SCML4: variants seen among roughly 807,000 people sequenced by gnomAD.
SCML4 encodes the protein sex comb on midleg-like protein 4.
A neutral mutation model predicts 41.1 loss-of-function variants in SCML4; 34 were observed. That is an observed-to-expected ratio of 0.83 (90% confidence interval 0.63 to 1.10). The LOEUF is 1.10. Ranked by LOEUF, SCML4 falls within the 50% of genes least tolerant of loss-of-function variation. The pLI is 0.00. For missense variants in SCML4, 522 were observed against 534.1 expected (o/e 0.98, Z 0.22); for synonymous variants, 214 against 220.9 (o/e 0.97, Z 0.28).
rs554768289 is a variant in SCML4 at position 107,702,220 on chromosome 6, A to G, written c.*2980T>C. 6.6e-6 allele frequency among the ~76,000 whole-genome samples: 1 copy of G among 152,368 alleles called. No homozygotes were observed. The highest frequency in any genetic ancestry group is 6.5e-5 in the Admixed American group (1 of 15,312). On this transcript the variant is annotated 3_prime_UTR_variant, in exon 8 of 8. Coordinates refer to ENST00000369020, the MANE Select transcript of SCML4 (RefSeq NM_198081.5). ...ATTTTTAAAAAGTCAAACCTTAAAT[A>G]TCATGGCTTCAGCAATCTGTCCTGC...
At chr6:107,830,348 G>C in the SCML4 span, among the ~76,000 whole-genome samples, 4 of 152,158 alleles carry the variant, frequency 2.6e-5, no homozygotes, top group Non-Finnish European at 5.9e-5. Context: ...GACTGACTGA[G>C]TGGAAACATT....
intron 7 of SCML4, 41 bp downstream of exon 7, chr6:107,707,825 T>C (rs770302387): frequency 3.9e-6 from 6 of 1,551,122 alleles, no homozygotes; most frequent in South Asian, 1.2e-5. Flanking sequence ...CTGTGCCTGC[T>C]CCCTCAATCC....
Position 107,784,594 on chromosome 6 carries a change from G to A in SCML4, c.-59-12208C>T, listed in dbSNP as rs1781740168. On this transcript the variant is annotated intron_variant, in intron 1 of 7. Transcript: ENST00000369020. ...GAAATGAGGTTCTAAGGACTGGAGAGAGAGGAACGGTTTTTTTCTCTGCAT... is the reference window on the plus strand; with the variant it reads ...GAAATGAGGTTCTAAGGACTGGAGAAAGAGGAACGGTTTTTTTCTCTGCAT... 3.3e-5 allele frequency among the ~76,000 whole-genome samples: 5 copies of A among 152,326 alleles called. No homozygotes were observed. In the South Asian group the frequency reaches 1.0e-3, roughly 32 times the overall value.
rs1313805915 is a variant in SCML4 at position 107,704,979 on chromosome 6, T to C, written c.*221A>G. ...GGATGTTAAAAATCACAGGCTTTTG[T>C]AATTTTTTGGCAAATTATGAACACA... On this transcript the variant is annotated 3_prime_UTR_variant, in exon 8 of 8. Transcript: ENST00000369020. 6.7e-6 allele frequency: 4 copies of C among 600,006 alleles called. No homozygotes were observed. The highest frequency in any genetic ancestry group is 3.7e-5 in the African/African-American group (2 of 53,738). 37.2% of individuals were successfully genotyped at this position (600,006 alleles called of 1,614,324 possible).
chr6:107,725,455 T>C (rs1775867438), intron 5 of SCML4, among the ~76,000 whole-genome samples: 1 of 152,154 alleles, frequency 6.6e-6, no homozygotes, highest in African/African-American at 2.4e-5. Flanking sequence ...AATCCAGAAG[T>C]AAATCCATGT....
At chr6:107,784,084 CT>C (rs1463582147) in intron 1 of SCML4, among the ~76,000 whole-genome samples, 2 of 152,162 alleles carry the variant, frequency 1.3e-5, no homozygotes, top group African/African-American at 4.8e-5. Flanking sequence ...TACTCAATGC[CT>C]TAAATACTAA....
the SCML4 span, among the ~76,000 whole-genome samples, chr6:107,843,952 AG>A: frequency 7.0e-6 from 1 of 143,120 alleles, no homozygotes; most frequent in Non-Finnish European, 1.6e-5. Flanking sequence ...AGAGAGAGAG[AG>A]AAGCAAAACA....
Position 107,754,883 on chromosome 6 carries a change from A to T in SCML4, c.157-5070T>A, listed in dbSNP as rs574298663. Among the ~76,000 whole-genome samples, 134 of 152,264 alleles carry T rather than the reference A, an allele frequency of 8.8e-4. 1 individual carries two copies. The highest frequency in any genetic ancestry group is 1.6e-3 in the Non-Finnish European group (106 of 68,028). The stretch of plus-strand genomic sequence containing the variant: ...CAGCACTTTGGGAGGCCAAGACGGC[A>T]GGATTGCTTGAGCTCTGGAGACCAG... On this transcript the variant is annotated intron_variant, in intron 2 of 7. Coordinates refer to ENST00000369020, the MANE Select transcript of SCML4 (RefSeq NM_198081.5).
intron 1 of SCML4, among the ~76,000 whole-genome samples, chr6:107,803,262 C>A (rs1272900526): frequency 1.7e-4 from 3 of 17,302 alleles, no homozygotes; most frequent in Non-Finnish European, 4.4e-4. Context: ...AGTGAGGAGA[C>A]CCTCTGCCTG....
At chr6:107,817,636 G>GA (rs59655748) in intron 1 of SCML4, among the ~76,000 whole-genome samples, 1 of 76,774 alleles carries the variant, frequency 1.3e-5, no homozygotes, top group African/African-American at 7.7e-5. Flanking sequence ...AAAAAAAAAA[G>GA]AAAAAAAAAA....
intron 5 of SCML4, among the ~76,000 whole-genome samples, chr6:107,737,507 T>C (rs538270116): frequency 6.6e-6 from 1 of 152,292 alleles, no homozygotes; most frequent in African/African-American, 2.4e-5. Flanking sequence ...CACTGGATCA[T>C]CTTCAGGGGC....
At chr6:107,749,615 A>G (rs1778429621) in intron 3 of SCML4, 69 bp downstream of exon 3, 1 of 1,564,656 alleles carries the variant, frequency 6.4e-7, no homozygotes, top group African/African-American at 1.4e-5. Context: ...CCACAAAGTA[A>G]CAATTAGATG....
In SCML4 at chr6:107,772,218, G is replaced by T; in HGVS notation, c.110C>A (p.Pro37Gln). Residue 37 changes from proline to glutamine, a missense_variant, in exon 2 of 8, where the codon CCA becomes CAA. Transcript: ENST00000369020. ...NLYSASAGSL[P>Q]AVKIPKKRGR... Reference sequence around the variant, plus strand: ...TCTTTTCTTTGGGATCTTCACTGCTGGTAAAGAGCCAGCTGAAGCAGAATA... The same window carrying T: ...TCTTTTCTTTGGGATCTTCACTGCTTGTAAAGAGCCAGCTGAAGCAGAATA... 1 of 1,551,524 alleles carries T rather than the reference G, an allele frequency of 6.4e-7. No individual in the cohort carries two copies. The highest frequency in any genetic ancestry group is 1.2e-5 in the South Asian group (1 of 84,040).
chr6:107,845,042 CCTGG>C, the SCML4 span, among the ~76,000 whole-genome samples: 1 of 151,748 alleles, frequency 6.6e-6, no homozygotes, highest in Non-Finnish European at 1.5e-5. Flanking sequence ...TCAAGACCAG[CCTGG>C]CTAACATGGT....
In SCML4 at chr6:107,755,637, C is replaced by G. The variant is rs781423958; in HGVS notation, c.157-5824G>C. On this transcript the variant is annotated intron_variant, in intron 2 of 7. Transcript: ENST00000369020. ...CTATCCAAGCTGTTCTCTGGCAGGGCATTTGTCTTTGTTGTTGCCTTAGGT... is the reference window on the plus strand; with the variant it reads ...CTATCCAAGCTGTTCTCTGGCAGGGGATTTGTCTTTGTTGTTGCCTTAGGT... 4.7e-5 allele frequency: 62 copies of G among 1,325,502 alleles called. 1 individual carries two copies. In the South Asian group the frequency reaches 7.5e-4, roughly 16 times the overall value. 82.1% of individuals were successfully genotyped at this position (1,325,502 alleles called of 1,614,324 possible). A position where few individuals can be genotyped will look rare whatever the true frequency, so the allele number is the denominator to read the frequency against.
At chr6:107,764,211 C>T (rs576112607) in intron 2 of SCML4, among the ~76,000 whole-genome samples, 2 of 152,332 alleles carry the variant, frequency 1.3e-5, no homozygotes, top group East Asian at 3.9e-4. Context: ...ACTGGGTCTA[C>T]TCGTACATTT....
chr6:107,707,929 C>T lies in SCML4; in HGVS notation c.1056G>A (p.Val352=), dbSNP rs61742583. ...GTGGGTCGGCGTCCTTCACAAACCA[C>T]ACCACGTCCTCCACAGTCCAGGCGG... ...NPSAWTVEDV[V]WFVKDADPQA... The change falls in exon 7 of 8, where the codon GTG becomes GTA. Residue 352 remains valine (V), a synonymous_variant. Coordinates refer to ENST00000369020, the MANE Select transcript of SCML4 (RefSeq NM_198081.5). 3,997 of 1,551,706 alleles carry T rather than the reference C, an allele frequency of 2.6e-3. 107 individuals carry two copies. In the African/African-American group the frequency reaches 0.049, roughly 19 times the overall value.
At chr6:107,843,068 T>G in the SCML4 span, among the ~76,000 whole-genome samples, 1 of 152,138 alleles carries the variant, frequency 6.6e-6, no homozygotes, top group Non-Finnish European at 1.5e-5. Flanking sequence ...AATCGCCTAA[T>G]ATGCATGCAA....
intron 1 of SCML4, among the ~76,000 whole-genome samples, chr6:107,788,894 G>T (rs141482519): frequency 6.6e-6 from 1 of 152,336 alleles, no homozygotes; most frequent in African/African-American, 2.4e-5. Flanking sequence ...GGGGGCTGGA[G>T]CAAGGAGCAT....
Sources: allele counts gnomAD v4.1 joint callset (sites outside exome capture counted in the v4.1 genomes callset), GRCh38; gene constraint gnomAD v4.1.1; transcripts MANE v1.5; gene names NCBI Gene and HGNC (gene_info 2026-07-23, HGNC 2026-07-21).